The following CNTN1 variants were observed in gnomAD, a reference collection of about 807,000 sequenced individuals.
The protein encoded by CNTN1 is contactin 1.
Under a neutral mutation model 126.4 loss-of-function variants are expected in CNTN1, and 38 were observed. The ratio of observed to expected loss-of-function variants is 0.30; its 90% CI spans 0.23 to 0.39. CNTN1 has a LOEUF of 0.39. CNTN1 is among the 10% of genes least tolerant of loss of function. The pLI is 1.00. For synonymous variants in CNTN1, 413 were observed against 422.6 expected (o/e 0.98, Z 0.28); for missense variants, 1,009 against 1,248.4 (o/e 0.81, Z 2.89).
intron 15 of CNTN1, among the ~76,000 whole-genome samples, chr12:40,959,876 T>A (rs7974854): frequency 0.12 from 18,185 of 152,096 alleles, 1,133 homozygotes; most frequent in Non-Finnish European, 0.12. Flanking sequence ...CCTTTAGTTT[T>A]GCACCCAAGA....
rs987357343 is a variant in CNTN1, at chr12:40,780,646, T to C, written c.-77+88054T>C. On this transcript the variant is annotated intron_variant, in intron 1 of 23. Transcript: ENST00000551295. ...TGGAGGGATCACTTGAGGACAGGAG[T>C]TTGAGGCCAGCCTGGGCAACACAGT... is the stretch of plus-strand genomic sequence containing the variant. Among the ~76,000 whole-genome samples the C allele has an allele frequency of 3.3e-5, 5 of 149,732 alleles. No homozygotes were observed. In the Admixed American group the frequency reaches 3.3e-4, roughly 10 times the overall value.
chr12:40,848,757 G>A (rs938118813), intron 1 of CNTN1, among the ~76,000 whole-genome samples: 1 of 149,214 alleles, frequency 6.7e-6, no homozygotes, highest in Non-Finnish European at 1.5e-5. Context: ...TCCTACTGAA[G>A]TTGTACTGTA....
At chr12:40,968,464 A>T (rs1208179916) in intron 15 of CNTN1, among the ~76,000 whole-genome samples, 1 of 152,130 alleles carries the variant, frequency 6.6e-6, no homozygotes, top group African/African-American at 2.4e-5. Flanking sequence ...AATGAATTGT[A>T]CTAGATGGCT....
rs1211719482 is a variant in CNTN1, at chr12:40,813,038, C to CTCT, written c.-76-95319_-76-95318insTCT. Among the ~76,000 whole-genome samples the CTCT allele has an allele frequency of 2.7e-3, 230 of 84,934 alleles. 2 individuals carry two copies. The highest frequency in any genetic ancestry group is 8.8e-3 in the African/African-American group (221 of 24,994). 55.7% of individuals were successfully genotyped at this position (84,934 alleles called of 152,430 possible). A position where few individuals can be genotyped will look rare whatever the true frequency, so the allele number is the denominator to read the frequency against. On this transcript the variant is annotated intron_variant, in intron 1 of 23. Transcript: ENST00000551295. The stretch of plus-strand genomic sequence containing the variant: ...ATCCTTTCTTTCTTTCTCTTTCTTT[C>CTCT]CTTTCTTTCTTTCTTTCTTTCTTCC...
rs118152440 is a variant in CNTN1, at chr12:40,992,632, A to G, written c.1964-488A>G. Among the ~76,000 whole-genome samples, 379 of 152,270 alleles carry G rather than the reference A, an allele frequency of 2.5e-3. 10 individuals are homozygous for G. In the East Asian group the frequency reaches 0.065, roughly 26 times the overall value. ...TATTATCACTTGTCCAAATGATTTG[A>G]GTATAAATCTATAAAACCAAGTAAA... On this transcript the variant is annotated intron_variant, in intron 16 of 23. Transcript: ENST00000551295.
chr12:40,882,433 T>A (rs1203467842), intron 1 of CNTN1, among the ~76,000 whole-genome samples: 1 of 151,750 alleles, frequency 6.6e-6, no homozygotes, highest in Non-Finnish European at 1.5e-5. Flanking sequence ...CATTCCAGTA[T>A]GAAAATAAAT....
chr12:41,068,456 A>G (rs1362931778), intron 23 of CNTN1, among the ~76,000 whole-genome samples: 1 of 151,956 alleles, frequency 6.6e-6, no homozygotes, highest in Non-Finnish European at 1.5e-5. Context: ...TTTCCTGCTC[A>G]TTTCTAAGAA....
At chr12:41,046,739 T>C (rs1033932693) in intron 23 of CNTN1, among the ~76,000 whole-genome samples, 1 of 151,910 alleles carries the variant, frequency 6.6e-6, no homozygotes, top group Non-Finnish European at 1.5e-5. Flanking sequence ...CTGTGTTCTC[T>C]GACCACTGAT....
intron 1 of CNTN1, among the ~76,000 whole-genome samples, chr12:40,718,534 G>A (rs946469551): frequency 7.2e-5 from 11 of 152,098 alleles, no homozygotes; most frequent in African/African-American, 2.2e-4. Flanking sequence ...AACACTGGGG[G>A]CTGGGTTCAG....
intron 1 of CNTN1, among the ~76,000 whole-genome samples, chr12:40,799,828 T>G (rs1404128630): frequency 6.6e-6 from 1 of 151,976 alleles, no homozygotes; most frequent in African/African-American, 2.4e-5. Context: ...CCTTACAATA[T>G]TCCCATGACA....
At chr12:40,968,934 C>A (rs1465594219) in intron 15 of CNTN1, among the ~76,000 whole-genome samples, 2 of 151,910 alleles carry the variant, frequency 1.3e-5, no homozygotes, top group African/African-American at 4.8e-5. Flanking sequence ...TAGGTAATTC[C>A]CTCAAAACAC....
intron 1 of CNTN1, among the ~76,000 whole-genome samples, chr12:40,831,037 G>GTA (rs1403623664): frequency 7.3e-6 from 1 of 136,246 alleles, no homozygotes; most frequent in Non-Finnish European, 1.6e-5. Flanking sequence ...TATATTTACA[G>GTA]TATATATACT....
At chr12:41,000,480 A>G (rs989893244) in intron 17 of CNTN1, among the ~76,000 whole-genome samples, 2 of 152,164 alleles carry the variant, frequency 1.3e-5, no homozygotes, top group African/African-American at 4.8e-5. Flanking sequence ...TATATATTAT[A>G]TCTAAAGTGC....
intron 15 of CNTN1, among the ~76,000 whole-genome samples, chr12:40,970,971 AAT>A (rs1483091521): frequency 6.6e-6 from 1 of 152,184 alleles, no homozygotes; most frequent in Non-Finnish European, 1.5e-5. Context: ...AAATAAATAA[AAT>A]ATAACTCAAG....
Position 40,748,004 on chromosome 12 carries a change from C to A in CNTN1, c.-77+55412C>A, listed in dbSNP as rs375272562. ...CCCACATTGTGGAGGGCATAAAATA[C>A]GAAGTTCAGAAGTTTGTACTTCATC... On this transcript the variant is annotated intron_variant, in intron 1 of 23. Coordinates refer to ENST00000551295, the MANE Select transcript of CNTN1 (RefSeq NM_001843.4). 1.0e-3 allele frequency among the ~76,000 whole-genome samples: 156 copies of A among 152,158 alleles called. No homozygotes were observed. In the Middle Eastern group the frequency reaches 0.034, roughly 33 times the overall value.
At chr12:41,031,484 T>C (rs1949144542) in intron 23 of CNTN1, among the ~76,000 whole-genome samples, 1 of 152,176 alleles carries the variant, frequency 6.6e-6, no homozygotes, top group South Asian at 2.1e-4. Context: ...AGCTTTTAAA[T>C]TTAAGTTTAC....
At chr12:41,051,406 C>G (rs1272590938) in intron 23 of CNTN1, among the ~76,000 whole-genome samples, 3 of 151,858 alleles carry the variant, frequency 2.0e-5, no homozygotes, top group Non-Finnish European at 4.4e-5. Context: ...CCACCTCGGC[C>G]TCCCAAAGTG....
At chr12:40,803,991 G>A (rs967947409) in intron 1 of CNTN1, among the ~76,000 whole-genome samples, 4 of 151,982 alleles carry the variant, frequency 2.6e-5, no homozygotes, top group Non-Finnish European at 5.9e-5. Context: ...CTGCATGGTG[G>A]AGGTAAAGGA....
intron 1 of CNTN1, among the ~76,000 whole-genome samples, chr12:40,709,893 A>T (rs996732434): frequency 6.6e-6 from 1 of 152,170 alleles, no homozygotes; most frequent in African/African-American, 2.4e-5. Context: ...CTCCATTATC[A>T]GCAATAAGTC....
Sources: allele counts gnomAD v4.1 joint callset (sites outside exome capture counted in the v4.1 genomes callset), GRCh38; gene constraint gnomAD v4.1.1; transcripts MANE v1.5; gene names NCBI Gene and HGNC (gene_info 2026-07-23, HGNC 2026-07-21).